The following LCT variants were observed in gnomAD, a reference collection of about 807,000 sequenced individuals.
LCT encodes the protein lactase/phlorizin hydrolase.
LCT carries 90 observed loss-of-function variants against 173.0 expected under a neutral mutation model. The observed-to-expected ratio is 0.52, with a 90% CI of 0.44 to 0.62. LCT has a LOEUF of 0.62. Ranked by LOEUF, LCT falls within the 20% of genes least tolerant of loss-of-function variation. The pLI is 0.00. For synonymous variants in LCT, 853 were observed against 957.6 expected, an observed-to-expected ratio of 0.89 and a Z score of 2.02; for missense variants, 1,864 against 2,431.4, an observed-to-expected ratio of 0.77 and a Z score of 4.91.
At position 135,809,072 on chromosome 2, in the gene LCT, C is replaced by T; in HGVS notation, c.3275G>A (p.Arg1092Lys). 1 of 1,613,828 alleles carries T rather than the reference C, an allele frequency of 6.2e-7. No homozygotes were observed. Among genetic ancestry groups the T allele is most frequent in the South Asian group, 1.1e-5 (1 of 91,082 alleles). Residue 1092 changes from arginine to lysine, a missense_variant, in exon 8 of 17, where the codon AGG becomes AAG. Coordinates refer to ENST00000264162, the MANE Select transcript of LCT (RefSeq NM_002299.4). The surrounding 1 kb of genome is among the most constrained non-coding windows in gnomAD (Gnocchi z 5.5). ...GVKDPGWAPY[R>K]IAHAVIKAHA... The stretch of plus-strand genomic sequence containing the variant: ...GGCTTTGATGACGGCGTGGGCTATC[C>T]TATATGGTGCCCAGCCTGGGTCCTT...
intron 5 of LCT, among the ~76,000 whole-genome samples, chr2:135,819,689 T>C (rs2077811754): frequency 6.6e-6 from 1 of 152,176 alleles, no homozygotes; most frequent in South Asian, 2.1e-4. Flanking sequence ...AGGGAAATGA[T>C]CCTTTCCTTC....
chr2:135,813,178 A>T (rs1416330842), intron 6 of LCT, among the ~76,000 whole-genome samples: 1 of 152,236 alleles, frequency 6.6e-6, no homozygotes, highest in African/African-American at 2.4e-5. Flanking sequence ...ACAAGTCAAT[A>T]ATAAAGTTAA....
chr2:135,798,706 A>G (rs546907650), intron 12 of LCT, among the ~76,000 whole-genome samples: 1 of 152,228 alleles, frequency 6.6e-6, no homozygotes, highest in South Asian at 2.1e-4. Context: ...ATGTGCGGGG[A>G]TACGTGGCAC....
At position 135,817,563 on chromosome 2, in the gene LCT, C is replaced by T; in HGVS notation, c.1485G>A (p.Leu495=). 5 of 1,614,184 alleles carry T rather than the reference C, an allele frequency of 3.1e-6. No homozygotes were observed. The highest frequency in any genetic ancestry group is 4.2e-6 in the Non-Finnish European group (5 of 1,180,042). The part of the protein sequence containing the change: ...QDAGIEPMAT[L]FHWDLPQALQ... ...GGGCCTGAGGCAGGTCCCAGTGGAA[C>T]AGCGTGGCCATGGGCTCGATGCCCG... Residue 495 remains leucine (L), a synonymous_variant, in exon 6 of 17, where the codon CTG becomes CTA. Transcript: ENST00000264162.
Position 135,788,338 on chromosome 2 carries a change from C to G in LCT, c.5770G>C (p.Val1924Leu). The G allele has an allele frequency of 6.2e-7, 1 of 1,613,188 alleles. No individual in the cohort carries two copies. The highest frequency in any genetic ancestry group is 1.3e-5 in the African/African-American group (1 of 75,016). ...GTGGTAACTCATCAGAATGAAGACA[C>G]CGGGCTCAATTCCTGTTGGCTTCGT... ...TQRSQQELSP[V>L]SSF Residue 1924 changes from valine (V) to leucine (L), a missense_variant, in exon 17 of 17, where the codon GTG becomes CTG. Physicochemically the swap from Val to Leu is conservative, Grantham distance 32 (BLOSUM62 1). Coordinates refer to ENST00000264162, the MANE Select transcript of LCT (RefSeq NM_002299.4).
At chr2:135,792,928 G>T (rs141865460) in intron 14 of LCT, among the ~76,000 whole-genome samples, 1 of 152,086 alleles carries the variant, frequency 6.6e-6, no homozygotes, top group Admixed American at 6.5e-5. Context: ...TTCTACTACC[G>T]CAGCTGGTGG....
In LCT at chr2:135,790,813, A is replaced by G; in HGVS notation, c.5180T>C (p.Phe1727Ser). The G allele has an allele frequency of 6.2e-7, 1 of 1,614,114 alleles. No homozygotes were observed. The highest frequency in any genetic ancestry group is 8.5e-7 in the Non-Finnish European group (1 of 1,180,018). ...CCAGTTCAGGATCCTCCTGAAGCCA[A>G]AAGGCGTCATCTTCAGCCAGAAGGA... ...SGSFWLKMTP[F>S]GFRRILNWLK... Residue 1727 changes from phenylalanine (F) to serine (S), a missense_variant, in exon 15 of 17, where the codon TTT becomes TCT. This residue lies in a region of LCT where 514 missense variants were observed against 750.1 expected (regional missense o/e 0.69). Coordinates refer to ENST00000264162, the MANE Select transcript of LCT (RefSeq NM_002299.4). This position sits in a 1 kb window ranked among gnomAD's most constrained non-coding sequence, Gnocchi z 4.1.
At chr2:135,815,465 T>C (rs1035089176) in intron 6 of LCT, among the ~76,000 whole-genome samples, 2 of 152,192 alleles carry the variant, frequency 1.3e-5, no homozygotes, top group Non-Finnish European at 2.9e-5. Context: ...CACTTGCTGC[T>C]CAAGAGCTGA....
At chr2:135,795,910 G>A (rs992547660) in intron 13 of LCT, among the ~76,000 whole-genome samples, 1 of 151,926 alleles carries the variant, frequency 6.6e-6, no homozygotes, top group Non-Finnish European at 1.5e-5. Flanking sequence ...ATAGGTGTGC[G>A]TCACCATGCC....
intron 14 of LCT, 162 bp downstream of exon 14, chr2:135,794,479 A>T: frequency 1.3e-6 from 1 of 743,724 alleles, no homozygotes. Flanking sequence ...TGCTTGCTGG[A>T]GATTTCCTTG....
At position 135,809,077 on chromosome 2, in the gene LCT, T is replaced by C. The variant is rs868173713; in HGVS notation, c.3270A>G (p.Pro1090=). Reference sequence around the variant, plus strand: ...TGATGACGGCGTGGGCTATCCTATATGGTGCCCAGCCTGGGTCCTTCACCC... The same window carrying C: ...TGATGACGGCGTGGGCTATCCTATACGGTGCCCAGCCTGGGTCCTTCACCC... ...PPGVKDPGWA[P]YRIAHAVIKA... is the part of the protein sequence containing the mutation. The change falls in exon 8 of 17, where the codon CCA becomes CCG. Residue 1090 remains proline, a synonymous_variant. Transcript: ENST00000264162. The surrounding 1 kb of genome is among the most constrained non-coding windows in gnomAD (Gnocchi z 5.5). The C allele has an allele frequency of 1.2e-6, 2 of 1,613,850 alleles. No individual in the cohort carries two copies. The highest frequency in any genetic ancestry group is 1.1e-5 in the South Asian group (1 of 91,090).
At chr2:135,792,745 C>G (rs751634434) in intron 14 of LCT, among the ~76,000 whole-genome samples, 1 of 152,186 alleles carries the variant, frequency 6.6e-6, no homozygotes, top group Non-Finnish European at 1.5e-5. Context: ...AAGCCTCACC[C>G]GAGGAGAGTC....
At chr2:135,835,411 C>A (rs2077977726) in intron 1 of LCT, among the ~76,000 whole-genome samples, 1 of 146,854 alleles carries the variant, frequency 6.8e-6, no homozygotes, top group African/African-American at 2.5e-5. Flanking sequence ...GCCACCATGC[C>A]TGGCTCAAGT....
At chr2:135,826,787 G>A (rs905985142) in intron 3 of LCT, among the ~76,000 whole-genome samples, 2 of 152,132 alleles carry the variant, frequency 1.3e-5, no homozygotes, top group Non-Finnish European at 2.9e-5. Flanking sequence ...ACAGGCACAA[G>A]CAGACCTCGA....
At position 135,833,210 on chromosome 2, in the gene LCT, C is replaced by G. The variant is rs369498534; in HGVS notation, c.641-20G>C. ...TTCCGCCTGAAACCAACCAGAGACACGAACAGCAGGTGAGCGAGGGCAGGA... is the reference window on the plus strand; with the variant it reads ...TTCCGCCTGAAACCAACCAGAGACAGGAACAGCAGGTGAGCGAGGGCAGGA... On this transcript the variant is annotated intron_variant, in intron 1 of 16. Transcript: ENST00000264162. 3 of 1,597,450 alleles carry G rather than the reference C, an allele frequency of 1.9e-6. No individual in the cohort carries two copies. Among genetic ancestry groups the G allele is most frequent in the Admixed American group, 3.3e-5 (2 of 59,944 alleles).
chr2:135,821,418 C>G (rs940713068), intron 5 of LCT, among the ~76,000 whole-genome samples: 5 of 152,156 alleles, frequency 3.3e-5, no homozygotes, highest in Admixed American at 1.3e-4. Flanking sequence ...TCTTACTCAT[C>G]ATGTAACTTC....
chr2:135,801,132 T>A (rs1373720815), intron 11 of LCT, among the ~76,000 whole-genome samples: 1 of 152,184 alleles, frequency 6.6e-6, no homozygotes, highest in African/African-American at 2.4e-5. Flanking sequence ...AATGTTGGCT[T>A]CTGTTCCCCT....
In LCT at chr2:135,804,059, C is replaced by T. The variant is rs1039714143; in HGVS notation, c.4534G>A (p.Val1512Met). The change falls in exon 11 of 17, where the codon GTG becomes ATG. Residue 1512 changes from valine to methionine, a missense_variant. Transcript: ENST00000264162. ...DVGGWENETI[V>M]QRFKEYADVL... ...TCTGCATACTCCTTAAACCGCTGCACGATGGTCTCATTCTCCCAGCCTCCT... is the reference window on the plus strand; with the variant it reads ...TCTGCATACTCCTTAAACCGCTGCATGATGGTCTCATTCTCCCAGCCTCCT... The T allele has an allele frequency of 1.9e-6, 3 of 1,614,128 alleles. No homozygotes were observed. The highest frequency in any genetic ancestry group is 1.7e-6 in the Non-Finnish European group (2 of 1,179,998).
Position 135,809,908 on chromosome 2 carries a change from C to T in LCT, c.2439G>A (p.Gln813=), listed in dbSNP as rs2077720140. ...AGTTGACGTGGTGCAGGCCAAACCG[C>T]TGGCTGTAACCAGAAGGGCCTTCGA... ...DGFEGPSGYS[Q]RFGLHHVNFS... Residue 813 remains glutamine (Q), a synonymous_variant, in exon 8 of 17, where the codon CAG becomes CAA. Coordinates refer to ENST00000264162, the MANE Select transcript of LCT (RefSeq NM_002299.4). The surrounding 1 kb of genome is among the most constrained non-coding windows in gnomAD (Gnocchi z 5.5). 6.2e-7 allele frequency: 1 copy of T among 1,614,082 alleles called. No homozygotes were observed. The highest frequency in any genetic ancestry group is 8.5e-7 in the Non-Finnish European group (1 of 1,180,046).
Sources: gnomAD v4.1 joint callset for allele counts (sites outside exome capture counted in the v4.1 genomes callset) on GRCh38, gnomAD v4.1.1 for gene constraint, gnomAD v4.1.1 regional missense constraint, Gnocchi (gnomAD v3.1) non-coding constraint, MANE v1.5 for transcripts, NCBI Gene and HGNC (gene_info 2026-07-23, HGNC 2026-07-21) for gene names.